Variants in FRY observed in about 807,000 individuals in gnomAD.
The protein encoded by FRY is FRY microtubule binding protein, also known as protein furry homolog.
A neutral mutation model predicts 348.4 loss-of-function variants in FRY; 128 were observed. The ratio of observed to expected loss-of-function variants is 0.37; its 90% CI spans 0.32 to 0.43. FRY has a LOEUF of 0.43. FRY is among the 20% of genes least tolerant of loss of function. The pLI is 1.00. For synonymous variants in FRY, 1,370 were observed against 1,374.7 expected (o/e 1.00, Z 0.08); for missense variants, 2,736 against 3,695.2 (o/e 0.74, Z 6.73).
intron 58 of FRY, 175 bp downstream of exon 58, chr13:32,278,723 T>C: frequency 1.4e-6 from 1 of 715,952 alleles, no homozygotes; most frequent in Non-Finnish European, 2.6e-6. Flanking sequence ...TGTGTGTTGA[T>C]GGGATTTGTG....
At chr13:32,064,944 T>C (rs1874161964) in intron 1 of FRY, among the ~76,000 whole-genome samples, 1 of 152,224 alleles carries the variant, frequency 6.6e-6, no homozygotes. Context: ...ACACCTCCAC[T>C]CATCCTTGCT....
At chr13:32,148,837 T>G (rs1016569961) in intron 13 of FRY, among the ~76,000 whole-genome samples, 1 of 152,182 alleles carries the variant, frequency 6.6e-6, no homozygotes, top group Non-Finnish European at 1.5e-5. Flanking sequence ...CAGTGATAGC[T>G]CTCTTTGAGT....
chr13:32,275,286 G>A (rs561448789), intron 56 of FRY: 37 of 304,552 alleles, frequency 1.2e-4, no homozygotes, highest in African/African-American at 7.7e-4. Flanking sequence ...TACTCGGGAG[G>A]CTGAGGCAGG....
Position 32,297,801 on chromosome 13 carries a change from G to A in FRY, c.*2341G>A, listed in dbSNP as rs897203530. ...GCATTAATGTTAATTGCCTTCCCCA[G>A]GGATACAAAGAAGTAGAAGTACCAA... is the stretch of plus-strand genomic sequence containing the variant. On this transcript the variant is annotated 3_prime_UTR_variant, in exon 61 of 61. Transcript: ENST00000542859. The A allele has an allele frequency of 6.6e-6, 1 of 152,058 alleles. No homozygotes were observed. Among genetic ancestry groups the A allele is most frequent in the Non-Finnish European group, 1.5e-5 (1 of 68,032 alleles). The allele number at this position is 152,058 out of a possible 1,614,324, so 9.4% of individuals were successfully genotyped here.
chr13:32,165,152 C>A (rs1881663521), intron 17 of FRY, among the ~76,000 whole-genome samples: 1 of 152,104 alleles, frequency 6.6e-6, no homozygotes, highest in African/African-American at 2.4e-5. Flanking sequence ...TAGAATTTTC[C>A]AAATGTCATT....
At chr13:32,259,458 C>T (rs942186309) in intron 51 of FRY, among the ~76,000 whole-genome samples, 3 of 152,184 alleles carry the variant, frequency 2.0e-5, no homozygotes, top group Non-Finnish European at 2.9e-5. Context: ...CCAGAGCTGC[C>T]GCCAAATCAG....
intron 54 of FRY, among the ~76,000 whole-genome samples, chr13:32,266,372 T>G (rs1324072054): frequency 1.3e-5 from 2 of 152,244 alleles, no homozygotes; most frequent in African/African-American, 4.8e-5. Context: ...TGTCTCACTT[T>G]CCCTGCGTAT....
At chr13:32,115,869 GT>G (rs981798522) in intron 3 of FRY, among the ~76,000 whole-genome samples, 1 of 151,830 alleles carries the variant, frequency 6.6e-6, no homozygotes, top group African/African-American at 2.4e-5. Flanking sequence ...TTCTGGTCCT[GT>G]TTTCTGCATA....
chr13:32,040,844 ACT>A (rs1159194471), intron 1 of FRY, among the ~76,000 whole-genome samples: 4 of 152,080 alleles, frequency 2.6e-5, no homozygotes, highest in African/African-American at 9.7e-5. Context: ...GCTAAAGGAT[ACT>A]CTCCTACATT....
intron 29 of FRY, among the ~76,000 whole-genome samples, chr13:32,198,299 A>G (rs988892544): frequency 4.6e-5 from 7 of 152,154 alleles, no homozygotes; most frequent in African/African-American, 7.2e-5. Flanking sequence ...GTATATTTGT[A>G]TATATATAAA....
At chr13:32,221,273 AC>A (rs1332683056) in intron 36 of FRY, among the ~76,000 whole-genome samples, 9 of 152,240 alleles carry the variant, frequency 5.9e-5, no homozygotes, top group South Asian at 4.1e-4. Context: ...ATGACTTCAC[AC>A]TACCTTGCAG....
rs867358892 is a variant in FRY, at chr13:32,077,145, T to C, written c.71-1689T>C. On this transcript the variant is annotated intron_variant, in intron 1 of 60. Transcript: ENST00000542859. Reference sequence around the variant, plus strand: ...TGAAGCCAGTGTGCTCACAGGCCAATGAGGGCATCAGCAGGACTTGGGTGA... The same window carrying C: ...TGAAGCCAGTGTGCTCACAGGCCAACGAGGGCATCAGCAGGACTTGGGTGA... 3.3e-5 allele frequency among the ~76,000 whole-genome samples: 5 copies of C among 152,136 alleles called. No homozygotes were observed. In the South Asian group the frequency reaches 8.3e-4, roughly 25 times the overall value.
chr13:32,243,938 A>C lies in FRY; in HGVS notation c.6688-104A>C, dbSNP rs558087743. ...AAGACCCCATCTCCTAAAAAAATAAAAAATAAAAAGGAAATGTGCAATCCT... is the reference window on the plus strand; with the variant it reads ...AAGACCCCATCTCCTAAAAAAATAACAAATAAAAAGGAAATGTGCAATCCT... On this transcript the variant is annotated intron_variant, in intron 46 of 60. Coordinates refer to ENST00000542859, the MANE Select transcript of FRY (RefSeq NM_023037.3). 48 of 1,339,498 alleles carry C rather than the reference A, an allele frequency of 3.6e-5. No individual in the cohort carries two copies. The African/African-American group carries it at 4.4e-4, about 12-fold the overall frequency. 83.0% of individuals were successfully genotyped at this position (1,339,498 alleles called of 1,614,324 possible). A position where few individuals can be genotyped will look rare whatever the true frequency, so the allele number is the denominator to read the frequency against.
At chr13:32,208,700 G>T (rs1884500897) in intron 31 of FRY, among the ~76,000 whole-genome samples, 153 bp from the exon 32 acceptor site, 1 of 152,152 alleles carries the variant, frequency 6.6e-6, no homozygotes, top group Admixed American at 6.5e-5. Flanking sequence ...GACAAGCCTT[G>T]GTTTTATCAT....
intron 31 of FRY, among the ~76,000 whole-genome samples, chr13:32,204,749 A>G (rs1884255156): frequency 1.3e-5 from 2 of 152,250 alleles, no homozygotes; most frequent in Non-Finnish European, 2.9e-5. Flanking sequence ...AAGCCTTTTT[A>G]GTAAATTAAT....
In FRY at chr13:32,202,025, C is replaced by T. The variant is rs776063482; in HGVS notation, c.3831C>T (p.Ser1277=). 1.3e-6 allele frequency: 2 copies of T among 1,562,210 alleles called. No individual in the cohort carries two copies. The highest frequency in any genetic ancestry group is 1.4e-5 in the African/African-American group (1 of 73,964). ...CCAACAGAGAGATTTATGAAATCTCCATGCAGCTCATGCAGGCACGTATCA... is the reference window on the plus strand; with the variant it reads ...CCAACAGAGAGATTTATGAAATCTCTATGCAGCTCATGCAGGCACGTATCA... ...SDTNREIYEI[S]MQLMQILEAK... Residue 1277 remains serine (S), a synonymous_variant, in exon 30 of 61, where the codon TCC becomes TCT. Coordinates refer to ENST00000542859, the MANE Select transcript of FRY (RefSeq NM_023037.3).
intron 14 of FRY, among the ~76,000 whole-genome samples, chr13:32,150,901 C>CA (rs1295659011): frequency 2.6e-5 from 4 of 152,116 alleles, no homozygotes; most frequent in Non-Finnish European, 5.9e-5. Flanking sequence ...GGGAACAGCA[C>CA]AAAAAGTCCA....
Position 32,274,845 on chromosome 13 carries a change from A to G in FRY, c.8140A>G (p.Ile2714Val), listed in dbSNP as rs772906240. 1 of 1,612,888 alleles carries G rather than the reference A, an allele frequency of 6.2e-7. No homozygotes were observed. Among genetic ancestry groups the G allele is most frequent in the Non-Finnish European group, 8.5e-7 (1 of 1,178,978 alleles). ...FHVFSSLFKN[I>V]QKRFCFLTCD... ...TGGTCACTATTTTGCCTTGCAGAATATTCAGAAAAGGTTCTGCTTCCTAAC... is the reference window on the plus strand; with the variant it reads ...TGGTCACTATTTTGCCTTGCAGAATGTTCAGAAAAGGTTCTGCTTCCTAAC... Residue 2714 changes from isoleucine (I) to valine (V), a missense_variant, in exon 56 of 61, where the codon ATT becomes GTT. Coordinates refer to ENST00000542859, the MANE Select transcript of FRY (RefSeq NM_023037.3).
intron 16 of FRY, 144 bp downstream of exon 16, chr13:32,157,549 T>C: frequency 1.4e-6 from 1 of 705,820 alleles, no homozygotes; most frequent in Non-Finnish European, 2.4e-6. Context: ...ACCTTCACAG[T>C]ATTTGATTAA....
Sources: gnomAD v4.1 joint callset for allele counts (sites outside exome capture counted in the v4.1 genomes callset) on GRCh38, gnomAD v4.1.1 for gene constraint, MANE v1.5 for transcripts, NCBI Gene and HGNC (gene_info 2026-07-23, HGNC 2026-07-21) for gene names.